TCN1: variants seen among roughly 807,000 people sequenced by gnomAD.
TCN1 encodes the protein transcobalamin 1, also known as transcobalamin-1.
TCN1 carries 47 observed loss-of-function variants against 46.3 expected under a neutral mutation model. The ratio of observed to expected loss-of-function variants is 1.01; its 90% CI spans 0.80 to 1.29. The LOEUF is 1.29. Ranked by LOEUF, TCN1 falls within the 50% of genes most tolerant of loss-of-function variation. TCN1 has a pLI of 0.00. For synonymous variants in TCN1, 183 were observed against 192.5 expected, an observed-to-expected ratio of 0.95 and a Z score of 0.41; for missense variants, 532 against 511.0, an observed-to-expected ratio of 1.04 and a Z score of -0.40.
Position 59,855,852 on chromosome 11 carries a change from C to T in TCN1, c.937+17G>A. ...ATGGTGAAAAGCGAAACAGTGTGCT[C>T]TCTTTAATGCTTATACCTGAAGCAG... On this transcript the variant is annotated intron_variant, in intron 6 of 8. Transcript: ENST00000257264. 1.2e-6 allele frequency: 2 copies of T among 1,613,644 alleles called. No individual in the cohort carries two copies. The highest frequency in any genetic ancestry group is 1.7e-6 in the Non-Finnish European group (2 of 1,179,636).
intron 2 of TCN1, among the ~76,000 whole-genome samples, chr11:59,863,482 A>ATACTAATTAGAAAACTGAGGC (rs1853038813): frequency 6.6e-6 from 1 of 152,004 alleles, no homozygotes; most frequent in African/African-American, 2.4e-5. Flanking sequence ...TTTTCCCCTT[A>ATACTAATTAGAAAACTGAGGC]TACTAATTAG....
At chr11:59,857,655 GT>G (rs367920671) in intron 5 of TCN1, among the ~76,000 whole-genome samples, 109 of 146,956 alleles carry the variant, frequency 7.4e-4, no homozygotes, top group Middle Eastern at 3.5e-3. Flanking sequence ...ATGCAGTAAA[GT>G]TTTTTTTTTT....
At chr11:59,865,022 C>T (rs1252654926) in intron 1 of TCN1, among the ~76,000 whole-genome samples, 1 of 152,168 alleles carries the variant, frequency 6.6e-6, no homozygotes, top group Non-Finnish European at 1.5e-5. Flanking sequence ...TTAACACTTA[C>T]CTTACAGATA....
At position 59,856,724 on chromosome 11, in the gene TCN1, G is replaced by C. The variant is rs75575106; in HGVS notation, c.748-666C>G. 6.8e-3 allele frequency among the ~76,000 whole-genome samples: 1,036 copies of C among 152,268 alleles called. 17 individuals are homozygous for C. The highest frequency in any genetic ancestry group is 0.021 in the African/African-American group (887 of 41,550). On this transcript the variant is annotated intron_variant, in intron 5 of 8. Transcript: ENST00000257264. Reference sequence around the variant, plus strand: ...ATTGGAGGCAACTGTGGAAAAACAGGCTGGAGAAGGAAGTTGGGCTAGACT... The same window carrying C: ...ATTGGAGGCAACTGTGGAAAAACAGCCTGGAGAAGGAAGTTGGGCTAGACT...
At position 59,864,062 on chromosome 11, in the gene TCN1, C is replaced by T. The variant is rs34528912; in HGVS notation, c.104G>A (p.Arg35His). The change falls in exon 2 of 9, where the codon CGC becomes CAC. Residue 35 changes from arginine (R) to histidine (H), a missense_variant. Arg to His is a conservative substitution (Grantham distance 29, BLOSUM62 0). Coordinates refer to ENST00000257264, the MANE Select transcript of TCN1 (RefSeq NM_001062.4). ...CATTGTATTCAACAGAGGTTTTAGGCGGATGTAGTTTTCTTCACTTACCTC... is the reference window on the plus strand; with the variant it reads ...CATTGTATTCAACAGAGGTTTTAGGTGGATGTAGTTTTCTTCACTTACCTC... ...ICEVSEENYI[R>H]LKPLLNTMIQ... 0.037 allele frequency: 59,950 copies of T among 1,613,558 alleles called. 1,360 individuals carry two copies. Among genetic ancestry groups the T allele is most frequent in the Middle Eastern group, 0.044 (267 of 6,060 alleles).
chr11:59,853,611 G>T (rs77529726), intron 7 of TCN1, among the ~76,000 whole-genome samples: 1 of 152,036 alleles, frequency 6.6e-6, no homozygotes, highest in African/African-American at 2.4e-5. Flanking sequence ...ATGGTAGATA[G>T]GTTTCAGATA....
chr11:59,856,065 A>C lies in TCN1; in HGVS notation c.748-7T>G. 2.0e-6 allele frequency: 1 copy of C among 505,738 alleles called. No individual in the cohort carries two copies. The highest frequency in any genetic ancestry group is 1.8e-5 in the South Asian group (1 of 54,710). The allele number at this position is 505,738 out of a possible 1,614,324, so 31.3% of individuals were successfully genotyped here. ...CTGATGATACAAAGAGGGCCTAATG[A>C]GGCAGGGTGGGGTGGGGGGGTGATG... is the stretch of plus-strand genomic sequence containing the variant. On this transcript the variant is annotated splice_polypyrimidine_tract_variant and splice_region_variant and intron_variant, in intron 5 of 8. Coordinates refer to ENST00000257264, the MANE Select transcript of TCN1 (RefSeq NM_001062.4).
At chr11:59,854,271 T>C (rs76307118) in intron 7 of TCN1, among the ~76,000 whole-genome samples, 2 of 151,432 alleles carry the variant, frequency 1.3e-5, no homozygotes, top group Non-Finnish European at 2.9e-5. Context: ...TGTATGTTCA[T>C]TTTTTTCCTG....
At position 59,858,695 on chromosome 11, in the gene TCN1, G is replaced by A. The variant is rs182892088; in HGVS notation, c.747+382C>T. On this transcript the variant is annotated intron_variant, in intron 5 of 8. Transcript: ENST00000257264. ...GAAAGGAAAAAGATACTGGCTGGGCGCAGTGGCCCACACCTGTAATCCCAG... is the reference window on the plus strand; with the variant it reads ...GAAAGGAAAAAGATACTGGCTGGGCACAGTGGCCCACACCTGTAATCCCAG... 2.4e-3 allele frequency among the ~76,000 whole-genome samples: 361 copies of A among 152,330 alleles called. 3 individuals are homozygous for A. The highest frequency in any genetic ancestry group is 7.5e-3 in the African/African-American group (313 of 41,570).
intron 6 of TCN1, among the ~76,000 whole-genome samples, chr11:59,855,141 G>C (rs984803338): frequency 6.6e-6 from 1 of 151,446 alleles, no homozygotes; most frequent in Non-Finnish European, 1.5e-5. Flanking sequence ...TTTTGCCTTG[G>C]TACAGCATAC....
chr11:59,860,143 G>GT (rs991279920), intron 4 of TCN1, among the ~76,000 whole-genome samples: 1 of 151,708 alleles, frequency 6.6e-6, no homozygotes, highest in African/African-American at 2.4e-5. Context: ...TTGTTTTTTG[G>GT]TTTTTTTTGA....
chr11:59,856,110 G>A, intron 5 of TCN1, 52 bp from the exon 6 acceptor site: 1 of 1,410,490 alleles, frequency 7.1e-7, no homozygotes, highest in African/African-American at 1.4e-5. Context: ...GAGAGACAGA[G>A]AGAGAATATG....
chr11:59,854,264 A>G (rs1852898173), intron 7 of TCN1, among the ~76,000 whole-genome samples: 1 of 151,396 alleles, frequency 6.6e-6, no homozygotes. Flanking sequence ...TTTTGTGTGT[A>G]TGTTCATTTT....
At position 59,856,081 on chromosome 11, in the gene TCN1, G is replaced by T. The variant is rs561228539; in HGVS notation, c.748-23C>A. ...GGCCTAATGAGGCAGGGTGGGGTGG[G>T]GGGGTGATGAGAGATAAAGAGAGAC... On this transcript the variant is annotated intron_variant, in intron 5 of 8. Transcript: ENST00000257264. The T allele has an allele frequency of 5.3e-6, 7 of 1,326,626 alleles. 1 individual carries two copies. The highest frequency in any genetic ancestry group is 1.7e-5 in the Admixed American group (1 of 58,062). 82.2% of individuals were successfully genotyped at this position (1,326,626 alleles called of 1,614,324 possible). A position where few individuals can be genotyped will look rare whatever the true frequency, so the allele number is the denominator to read the frequency against.
intron 2 of TCN1, among the ~76,000 whole-genome samples, chr11:59,863,324 A>G (rs1197776556): frequency 6.6e-6 from 1 of 152,150 alleles, no homozygotes; most frequent in African/African-American, 2.4e-5. Flanking sequence ...TAGATAAACA[A>G]CAAGATCTTG....
intron 5 of TCN1, 62 bp downstream of exon 5, chr11:59,859,015 A>T: frequency 6.3e-7 from 1 of 1,584,104 alleles, no homozygotes; most frequent in East Asian, 2.2e-5. Context: ...AAAAAAAAAA[A>T]AATACTGCTT....
chr11:59,854,882 T>C lies in TCN1; in HGVS notation c.938-47A>G, dbSNP rs777940417. On this transcript the variant is annotated intron_variant, in intron 6 of 8. Coordinates refer to ENST00000257264, the MANE Select transcript of TCN1 (RefSeq NM_001062.4). The stretch of plus-strand genomic sequence containing the variant: ...AGAGCAATATTCAGAAAAATAAAAA[T>C]GATATTAGAGTTTGCAGACCTACTC... 9 of 1,609,366 alleles carry C rather than the reference T, an allele frequency of 5.6e-6. No homozygotes were observed. The Admixed American group carries it at 1.3e-4, about 24-fold the overall frequency.
In TCN1 at chr11:59,858,994, A is replaced by C. The variant is rs568830223; in HGVS notation, c.747+83T>G. The C allele has an allele frequency of 1.6e-5, 23 of 1,474,906 alleles. No homozygotes were observed. In the East Asian group the frequency reaches 4.8e-4, roughly 31 times the overall value. The allele number at this position is 1,474,906 out of a possible 1,614,324, so 91.4% of individuals were successfully genotyped here. ...ACTCCAGCCTGGGCAACAAGAGCGA[A>C]GCTCCATCTTAAAAAAAAAAAAATA... On this transcript the variant is annotated intron_variant, in intron 5 of 8. Coordinates refer to ENST00000257264, the MANE Select transcript of TCN1 (RefSeq NM_001062.4).
chr11:59,858,780 C>A (rs1852981431), intron 5 of TCN1, among the ~76,000 whole-genome samples: 1 of 152,114 alleles, frequency 6.6e-6, no homozygotes, highest in South Asian at 2.1e-4. Flanking sequence ...ACCGGCCTGG[C>A]CAACATGGTG....
Sources: allele counts gnomAD v4.1 joint callset (sites outside exome capture counted in the v4.1 genomes callset), GRCh38; gene constraint gnomAD v4.1.1; transcripts MANE v1.5; gene names NCBI Gene and HGNC (gene_info 2026-07-23, HGNC 2026-07-21).